The following TLN2 variants were observed in gnomAD, a reference collection of about 807,000 sequenced individuals.
TLN2 encodes talin-2.
In TLN2, 118 loss-of-function variants were observed where a neutral mutation model predicts 294.7. That is an observed-to-expected ratio of 0.40 (90% CI 0.34 to 0.47). The LOEUF (loss-of-function observed/expected upper bound fraction) is 0.47. TLN2 is among the 20% of genes least tolerant of loss of function. The pLI, the probability that TLN2 is intolerant of heterozygous loss-of-function variation, is 0.84. For missense variants in TLN2, 3,083 were observed against 3,282.2 expected (o/e 0.94, Z 1.48); for synonymous variants, 1,431 against 1,304.5 (o/e 1.10, Z -2.09).
chr15:62,683,633 CA>C (rs2057043750), intron 11 of TLN2, among the ~76,000 whole-genome samples: 1 of 152,084 alleles, frequency 6.6e-6, no homozygotes, highest in Non-Finnish European at 1.5e-5. Flanking sequence ...ATTTTCAAAA[CA>C]AAAACAATCT....
chr15:62,739,662 G>A (rs2061212776), intron 31 of TLN2, 117 bp downstream of exon 31: 1 of 1,271,450 alleles, frequency 7.9e-7, no homozygotes, highest in South Asian at 1.5e-5. Context: ...GCAGGCCATG[G>A]TTGCATTCTT....
At chr15:62,661,274 T>C (rs904875051) in intron 9 of TLN2, among the ~76,000 whole-genome samples, 1 of 152,138 alleles carries the variant, frequency 6.6e-6, no homozygotes, top group Admixed American at 6.5e-5. Flanking sequence ...AGAATGTTAG[T>C]ACACTATTTT....
intron 1 of TLN2, among the ~76,000 whole-genome samples, chr15:62,580,009 TC>T (rs2044785270): frequency 6.6e-6 from 1 of 152,050 alleles, no homozygotes; most frequent in South Asian, 2.1e-4. Context: ...GGATCCCAGA[TC>T]CTCCATCGCT....
chr15:62,792,912 C>G lies in TLN2; in HGVS notation c.5883+125C>G, dbSNP rs16945739. On this transcript the variant is annotated intron_variant, in intron 46 of 58. Coordinates refer to ENST00000636159, the MANE Select transcript of TLN2 (RefSeq NM_015059.3). ...CCCAGCTGACTCAGCTGTCTCATCC[C>G]GATCTTCCCCACTGCCCAGGTTCTC... The G allele has an allele frequency of 5.0e-3, 7,193 of 1,434,414 alleles. 298 individuals carry two copies. In the African/African-American group the frequency reaches 0.093, roughly 18 times the overall value. The allele number at this position is 1,434,414 out of a possible 1,614,324, so 88.9% of individuals were successfully genotyped here.
intron 45 of TLN2, among the ~76,000 whole-genome samples, chr15:62,790,008 G>T (rs16945735): frequency 0.019 from 2,920 of 152,286 alleles, 27 homozygotes; most frequent in Middle Eastern, 0.027. Context: ...GGGTAGTTTT[G>T]TGCTGATCTC....
chr15:62,702,492 A>C (rs1228740381), intron 18 of TLN2, among the ~76,000 whole-genome samples: 1 of 152,212 alleles, frequency 6.6e-6, no homozygotes, highest in Non-Finnish European at 1.5e-5. Flanking sequence ...TTGCACCCTA[A>C]TTTCCACAGA....
At position 62,437,775 on chromosome 15, in the gene TLN2, C is replaced by T. The variant is rs201931919; in HGVS notation, c.-238+47090C>T. On this transcript the variant is annotated intron_variant, in intron 1 of 58. Coordinates refer to ENST00000636159, the MANE Select transcript of TLN2 (RefSeq NM_015059.3). ...GGGGTGTGTGTGTGTGTGTGTGTGT[C>T]TGTCTGTCTGTCTGCCAATTGGTGC... Among the ~76,000 whole-genome samples, 6 of 130,124 alleles carry T rather than the reference C, an allele frequency of 4.6e-5. No homozygotes were observed. The Admixed American group carries it at 4.9e-4, about 11-fold the overall frequency. The allele number at this position is 130,124 out of a possible 152,430, so 85.4% of individuals were successfully genotyped here. A position where few individuals can be genotyped will look rare whatever the true frequency, so the allele number is the denominator to read the frequency against.
Position 62,611,511 on chromosome 15 carries a change from G to C in TLN2, c.-161-6840G>C, listed in dbSNP as rs1158468521. Among the ~76,000 whole-genome samples the C allele has an allele frequency of 2.6e-5, 4 of 152,326 alleles. No homozygotes were observed. The South Asian group carries it at 6.2e-4, about 24-fold the overall frequency. On this transcript the variant is annotated intron_variant, in intron 2 of 58. Transcript: ENST00000636159. ...CCAGGGCTTGGCATATGAAGTAACT[G>C]GTGAACATTTGGGGACTTGACCACA...
At chr15:62,409,688 A>G (rs915792003) in intron 1 of TLN2, among the ~76,000 whole-genome samples, 7 of 151,758 alleles carry the variant, frequency 4.6e-5, no homozygotes, top group African/African-American at 1.4e-4. Context: ...AGGAATGACC[A>G]TGGTTGAAAT....
intron 53 of TLN2, 27 bp downstream of exon 53, chr15:62,819,648 G>A: frequency 6.3e-7 from 1 of 1,593,600 alleles, no homozygotes; most frequent in Non-Finnish European, 8.5e-7. Context: ...CGTCTTGGTG[G>A]AGGGCAACCC....
intron 1 of TLN2, among the ~76,000 whole-genome samples, chr15:62,419,477 C>A (rs953777321): frequency 6.6e-6 from 1 of 152,150 alleles, no homozygotes; most frequent in African/African-American, 2.4e-5. Flanking sequence ...TGTATCAGAG[C>A]TGCCACTACA....
At chr15:62,825,839 A>ATATT (rs1348581701) in intron 54 of TLN2, among the ~76,000 whole-genome samples, 3 of 92,066 alleles carry the variant, frequency 3.3e-5, no homozygotes, top group Non-Finnish European at 5.7e-5. Context: ...AATATATAAT[A>ATATT]TATATAAATA....
At chr15:62,552,276 A>G (rs1262949340) in intron 1 of TLN2, among the ~76,000 whole-genome samples, 1 of 152,170 alleles carries the variant, frequency 6.6e-6, no homozygotes, top group Non-Finnish European at 1.5e-5. Flanking sequence ...CTTTTGAGAA[A>G]TTTGTTTTGA....
At position 62,698,898 on chromosome 15, in the gene TLN2, G is replaced by T. The variant is rs113782292; in HGVS notation, c.1587+31G>T. ...TACTGTTCAGTGGTTTTCATGCCAAGTCTCTGCCCTGGCAGAAAGCAGGGT... is the reference window on the plus strand; with the variant it reads ...TACTGTTCAGTGGTTTTCATGCCAATTCTCTGCCCTGGCAGAAAGCAGGGT... On this transcript the variant is annotated intron_variant, in intron 16 of 58. Coordinates refer to ENST00000636159, the MANE Select transcript of TLN2 (RefSeq NM_015059.3). 1,120 of 1,594,204 alleles carry T rather than the reference G, an allele frequency of 7.0e-4. 2 individuals carry two copies. Among genetic ancestry groups the T allele is most frequent in the African/African-American group, 6.4e-3 (481 of 74,678 alleles).
At chr15:62,704,952 A>G (rs1224526069) in intron 19 of TLN2, among the ~76,000 whole-genome samples, 2 of 152,240 alleles carry the variant, frequency 1.3e-5, no homozygotes, top group Non-Finnish European at 2.9e-5. Flanking sequence ...ATGTTCCCCA[A>G]AAGTATTAAT....
intron 1 of TLN2, among the ~76,000 whole-genome samples, chr15:62,543,420 A>T (rs955477125): frequency 1.3e-5 from 2 of 152,188 alleles, no homozygotes; most frequent in African/African-American, 2.4e-5. Context: ...GGGCTTATTG[A>T]CTAGTAGAAG....
chr15:62,716,927 G>C (rs966085921), intron 23 of TLN2, among the ~76,000 whole-genome samples: 8 of 129,650 alleles, frequency 6.2e-5, no homozygotes, highest in South Asian at 2.9e-4. Context: ...AATAGTAATA[G>C]GCAAAAACTA....
rs887611027 is a variant in TLN2 at position 62,441,257 on chromosome 15, C to T, written c.-238+50572C>T. Among the ~76,000 whole-genome samples the T allele has an allele frequency of 3.1e-4, 47 of 152,070 alleles. 1 individual carries two copies. The highest frequency in any genetic ancestry group is 4.1e-4 in the South Asian group (2 of 4,820). On this transcript the variant is annotated intron_variant, in intron 1 of 58. Transcript: ENST00000636159. Reference sequence around the variant, plus strand: ...TACTTATCTAATATTTTTGAGACACCGTCTTGCTCTGTCACCCAGGCTGGA... The same window carrying T: ...TACTTATCTAATATTTTTGAGACACTGTCTTGCTCTGTCACCCAGGCTGGA...
intron 1 of TLN2, among the ~76,000 whole-genome samples, chr15:62,421,832 AG>A (rs1277238535): frequency 6.6e-6 from 1 of 152,128 alleles, no homozygotes; most frequent in Admixed American, 6.5e-5. Flanking sequence ...ATAAAATTAC[AG>A]GGGGAAATTT....
Sources: allele counts gnomAD v4.1 joint callset (sites outside exome capture counted in the v4.1 genomes callset), GRCh38; gene constraint gnomAD v4.1.1; transcripts MANE v1.5; gene names NCBI Gene and HGNC (gene_info 2026-07-23, HGNC 2026-07-21).